Variants in FAM209A observed in about 807,000 individuals in gnomAD.
The protein encoded by FAM209A is protein FAM209A.
A neutral mutation model predicts 9.8 loss-of-function variants in FAM209A; 4 were observed. That is an observed-to-expected ratio of 0.41 (90% CI 0.20 to 0.94). The LOEUF (loss-of-function observed/expected upper bound fraction) is 0.94. Among genes scored for constraint, FAM209A ranks in the 40% least tolerant of loss-of-function variants. FAM209A has a pLI of 0.32. For synonymous variants in FAM209A, 55 were observed against 77.8 expected, an observed-to-expected ratio of 0.71 and a Z score of 1.54; for missense variants, 205 against 209.4, an observed-to-expected ratio of 0.98 and a Z score of 0.13.
chr20:56,530,100 C>CCATCCATT (rs927389212), downstream of FAM209A, among the ~76,000 whole-genome samples: 9 of 144,768 alleles, frequency 6.2e-5, no homozygotes, highest in Non-Finnish European at 9.1e-5. Context: ...ACCCATCCAT[C>CCATCCATT]CATCCATTCA....
chr20:56,530,330 T>C (rs57134547), downstream of FAM209A, among the ~76,000 whole-genome samples: 3,668 of 152,246 alleles, frequency 0.024, 162 homozygotes, highest in African/African-American at 0.083. Flanking sequence ...AAGTTTGTCA[T>C]GTGGAGGAGC....
downstream of FAM209A, among the ~76,000 whole-genome samples, chr20:56,530,403 C>A (rs1293381716): frequency 1.3e-5 from 2 of 152,154 alleles, no homozygotes; most frequent in African/African-American, 4.8e-5. Context: ...TTGATAAGGG[C>A]CAGATCAGAC....
At chr20:56,530,445 A>G (rs1985704038), downstream of FAM209A, among the ~76,000 whole-genome samples, 1 of 152,120 alleles carries the variant, frequency 6.6e-6, no homozygotes, top group Non-Finnish European at 1.5e-5. Context: ...TTGAACAACT[A>G]TGGTATGTAC....
At chr20:56,525,167 C>T in intron 1 of FAM209A, 110 bp downstream of exon 1, 2 of 1,462,332 alleles carry the variant, frequency 1.4e-6, no homozygotes, top group South Asian at 2.7e-5. Flanking sequence ...ATGAACCGAC[C>T]TCATGGTCCT....
chr20:56,529,219 A>C (rs1239327552), downstream of FAM209A, among the ~76,000 whole-genome samples: 1 of 147,940 alleles, frequency 6.8e-6, no homozygotes, highest in Admixed American at 6.8e-5. Flanking sequence ...AAAAAAAAGA[A>C]AACAAATTAT....
chr20:56,531,001 A>G (rs961607174), downstream of FAM209A, among the ~76,000 whole-genome samples: 1 of 152,208 alleles, frequency 6.6e-6, no homozygotes, highest in Non-Finnish European at 1.5e-5. Context: ...CAAGCCGTGC[A>G]TTCCAGCACC....
rs372146363 is a variant in FAM209A at position 56,525,062 on chromosome 20, G to A, written c.249+5G>A. The A allele has an allele frequency of 1.1e-5, 18 of 1,612,160 alleles. No homozygotes were observed. Among genetic ancestry groups the A allele is most frequent in the Non-Finnish European group, 1.5e-5 (18 of 1,179,122 alleles). On this transcript the variant is annotated splice_donor_5th_base_variant and intron_variant, in intron 1 of 1. Coordinates refer to ENST00000371328, the MANE Select transcript of FAM209A (RefSeq NM_001012971.4). ...AGAGACAGTGAGAAGAATAAGGTAA[G>A]GATGGCTCCATTTTTTTTACACCAT...
At chr20:56,529,801 C>T (rs981484137), downstream of FAM209A, among the ~76,000 whole-genome samples, 1 of 152,020 alleles carries the variant, frequency 6.6e-6, no homozygotes, top group Non-Finnish European at 1.5e-5. Context: ...TGCACTCCAG[C>T]CTGGGCAACA....
At chr20:56,525,601 G>A (rs1238660719) in intron 1 of FAM209A, among the ~76,000 whole-genome samples, 1 of 152,130 alleles carries the variant, frequency 6.6e-6, no homozygotes, top group Non-Finnish European at 1.5e-5. Flanking sequence ...GAAAGACCCA[G>A]CACTTCATAA....
chr20:56,531,974 C>CTTTTCTTTTCTTTTCT, the FAM209A span, among the ~76,000 whole-genome samples: 21 of 113,036 alleles, frequency 1.9e-4, no homozygotes, highest in African/African-American at 7.7e-4. Flanking sequence ...CTTTTCTTTT[C>CTTTTCTTTTCTTTTCT]TTTTTTTTTT....
chr20:56,530,675 T>C (rs1298311118), downstream of FAM209A, among the ~76,000 whole-genome samples: 1 of 151,240 alleles, frequency 6.6e-6, no homozygotes, highest in Non-Finnish European at 1.5e-5. Context: ...TTTTTTTTTT[T>C]TTTTTGTATT....
downstream of FAM209A, among the ~76,000 whole-genome samples, chr20:56,528,213 G>T (rs1348119297): frequency 6.6e-6 from 1 of 152,066 alleles, no homozygotes; most frequent in Admixed American, 6.6e-5. Flanking sequence ...GGTCTGGGAG[G>T]TCGAGGCTGC....
the FAM209A span, chr20:56,533,454 G>A: frequency 8.7e-6 from 13 of 1,502,028 alleles, 1 homozygote; most frequent in South Asian, 1.2e-5. Context: ...AAGGTGCCGT[G>A]TGGAGAGCAC....
rs141572814 is a variant in FAM209A, at chr20:56,524,835, C to T, written c.27C>T (p.Val9=). The change falls in exon 1 of 2, where the codon GTC becomes GTT. Residue 9 remains valine (V), a synonymous_variant. Coordinates refer to ENST00000371328, the MANE Select transcript of FAM209A (RefSeq NM_001012971.4). MWTLKSSL[V]LLLCLTCSYA... ...TGTGGACGCTGAAATCGTCCCTGGT[C>T]CTGCTTCTGTGCCTCACCTGCAGCT... is the stretch of plus-strand genomic sequence containing the variant. The T allele has an allele frequency of 1.9e-6, 3 of 1,614,220 alleles. No individual in the cohort carries two copies. Among genetic ancestry groups the T allele is most frequent in the Non-Finnish European group, 2.5e-6 (3 of 1,180,038 alleles).
chr20:56,528,010 G>C (rs1157781099), downstream of FAM209A, among the ~76,000 whole-genome samples: 1 of 152,172 alleles, frequency 6.6e-6, no homozygotes, highest in Non-Finnish European at 1.5e-5. Context: ...AGGAGGCTGA[G>C]GCAGGAGAAT....
chr20:56,528,938 G>A (rs919797569), downstream of FAM209A, among the ~76,000 whole-genome samples: 2 of 152,224 alleles, frequency 1.3e-5, no homozygotes, highest in South Asian at 4.1e-4. Flanking sequence ...ACCCGGCATG[G>A]TGGCTCACAC....
intron 1 of FAM209A, 145 bp from the exon 2 acceptor site, chr20:56,525,659 A>G (rs1390751218): frequency 7.5e-6 from 6 of 805,122 alleles, no homozygotes; most frequent in Non-Finnish European, 1.2e-5. Flanking sequence ...CCCTTCCCGT[A>G]AAGGGCCAGG....
the FAM209A span, among the ~76,000 whole-genome samples, chr20:56,531,299 G>GT: frequency 0.019 from 2,590 of 133,916 alleles, 64 homozygotes; most frequent in African/African-American, 0.054. Flanking sequence ...TTCTTTCTTT[G>GT]TTTTTTTTTT....
downstream of FAM209A, among the ~76,000 whole-genome samples, chr20:56,530,186 A>G (rs1021033402): frequency 7.5e-6 from 1 of 132,936 alleles, no homozygotes; most frequent in East Asian, 2.4e-4. Flanking sequence ...TCATCCATCC[A>G]TTCAACAACA....
Sources: allele counts gnomAD v4.1 joint callset (sites outside exome capture counted in the v4.1 genomes callset), GRCh38; gene constraint gnomAD v4.1.1; transcripts MANE v1.5; gene names NCBI Gene and HGNC (gene_info 2026-07-23, HGNC 2026-07-21).